Variants in TRAP1 observed in about 807,000 individuals in gnomAD.
The protein encoded by TRAP1 is TNF receptor associated protein 1.
In TRAP1, 102 loss-of-function variants were observed where a neutral mutation model predicts 89.1. That is an observed-to-expected ratio of 1.15 (90% CI 0.98 to 1.35). The LOEUF (loss-of-function observed/expected upper bound fraction) is 1.35. Among genes scored for constraint, TRAP1 ranks in the 40% most tolerant of loss-of-function variants. The pLI is 0.00. For missense variants in TRAP1, 1,256 were observed against 945.3 expected (o/e 1.33, Z -4.31); for synonymous variants, 508 against 388.0 (o/e 1.31, Z -3.64).
intron 1 of TRAP1, chr16:3,710,490 G>C (rs1020228351): frequency 1.3e-5 from 2 of 152,108 alleles, no homozygotes; most frequent in African/African-American, 4.8e-5. Context: ...ATTAACACCC[G>C]TAATAATGAC....
At chr16:3,687,013 A>G (rs1338185554) in intron 3 of TRAP1, 1 of 151,640 alleles carries the variant, frequency 6.6e-6, no homozygotes, top group Non-Finnish European at 1.5e-5. Flanking sequence ...TTCTTTCCCA[A>G]CTCCTGCACA....
Position 3,658,818 on chromosome 16 carries a change from C to A in TRAP1, c.1988G>T (p.Gly663Val). The A allele has an allele frequency of 6.2e-7, 1 of 1,613,894 alleles. No individual in the cohort carries two copies. The highest frequency in any genetic ancestry group is 8.5e-7 in the Non-Finnish European group (1 of 1,179,972). Residue 663 changes from glycine (G) to valine (V), a missense_variant, in exon 17 of 18, where the codon GGC becomes GTC. Coordinates refer to ENST00000246957, the MANE Select transcript of TRAP1 (RefSeq NM_016292.3). Reference protein sequence around the residue: ...KLNQLRASEPGLAQLLVDQIY... With the variant: ...KLNQLRASEPVLAQLLVDQIY... ...CTGATCCACCAGCAGCTGAGCCAGG[C>A]CAGGCTCGCTTGCGCGCAGCTGATT...
At chr16:3,677,744 T>G in intron 5 of TRAP1, 86 bp from the exon 6 acceptor site, 13 of 1,462,870 alleles carry the variant, frequency 8.9e-6, no homozygotes, top group Non-Finnish European at 1.2e-5. Context: ...CGAGCACCGC[T>G]AAGACCCCTT....
Position 3,664,147 on chromosome 16 carries a change from G to A in TRAP1, c.1569+127C>T, listed in dbSNP as rs1019730454. ...CACAGTCGGTCCGGCCTCTGTGCCC[G>A]TGACCCTGACCCACTGTGCAGCCCT... On this transcript the variant is annotated intron_variant, in intron 13 of 17. Coordinates refer to ENST00000246957, the MANE Select transcript of TRAP1 (RefSeq NM_016292.3). The A allele has an allele frequency of 1.2e-4, 120 of 1,019,752 alleles. 2 individuals carry two copies. The highest frequency in any genetic ancestry group is 5.0e-4 in the African/African-American group (30 of 60,402). 63.2% of individuals were successfully genotyped at this position (1,019,752 alleles called of 1,614,324 possible).
At chr16:3,662,688 C>T (rs2043154628) in intron 15 of TRAP1, 194 bp downstream of exon 15, 2 of 697,644 alleles carry the variant, frequency 2.9e-6, no homozygotes, top group Non-Finnish European at 5.2e-6. Context: ...GGGAGAAAGA[C>T]ACGGCCTTCC....
At position 3,717,427 on chromosome 16, in the gene TRAP1, G is replaced by A; in HGVS notation, c.82C>T (p.Pro28Ser). Residue 28 changes from proline to serine, a missense_variant, in exon 1 of 18, where the codon CCG becomes TCG. Coordinates refer to ENST00000246957, the MANE Select transcript of TRAP1 (RefSeq NM_016292.3). ...CCAGCCAGGACGCCCTCACCTCCCG[G>A]CACGGCCGCCAGCGCCGGCGCCCGC... is the stretch of plus-strand genomic sequence containing the variant. ...LLRAPALAAVPGGKPILCPRR... is the reference protein window; with the variant it reads ...LLRAPALAAVSGGKPILCPRR... 1 of 1,235,424 alleles carries A rather than the reference G, an allele frequency of 8.1e-7. No homozygotes were observed. Among genetic ancestry groups the A allele is most frequent in the Non-Finnish European group, 1.0e-6 (1 of 984,672 alleles). 76.5% of individuals were successfully genotyped at this position (1,235,424 alleles called of 1,614,324 possible). A position where few individuals can be genotyped will look rare whatever the true frequency, so the allele number is the denominator to read the frequency against.
intron 9 of TRAP1, 63 bp from the exon 10 acceptor site, chr16:3,672,883 G>A (rs1308331864): frequency 2.6e-6 from 4 of 1,557,194 alleles, no homozygotes; most frequent in Non-Finnish European, 3.5e-6. Context: ...CCCTGGCTGG[G>A]AGGTGGGGGC....
intron 3 of TRAP1, 132 bp from the exon 4 acceptor site, chr16:3,686,268 C>A: frequency 6.3e-6 from 7 of 1,104,038 alleles, no homozygotes; most frequent in Non-Finnish European, 9.0e-6. Flanking sequence ...TAAAGAGTTT[C>A]TGCTTTAGTC....
At chr16:3,681,700 T>TTA (rs1204181111) in intron 4 of TRAP1, among the ~76,000 whole-genome samples, 1 of 152,162 alleles carries the variant, frequency 6.6e-6, no homozygotes, top group African/African-American at 2.4e-5. Flanking sequence ...ATCAGAAACT[T>TTA]AAATAGAGTC....
In TRAP1 at chr16:3,675,365, A is replaced by G. The variant is rs142276610; in HGVS notation, c.847T>C (p.Phe283Leu). ...VVTKYSNFVS[F>L]PLYLNGRRMN... is the part of the protein sequence containing the mutation. ...CGCCTTCCATTCAAGTACAAGGGGA[A>G]GCTGACGAAGTTGCTGTACTTCGTT... is the stretch of plus-strand genomic sequence containing the variant. Residue 283 changes from phenylalanine to leucine, a missense_variant, in exon 8 of 18, where the codon TTC becomes CTC. Coordinates refer to ENST00000246957, the MANE Select transcript of TRAP1 (RefSeq NM_016292.3). The G allele has an allele frequency of 2.9e-4, 464 of 1,614,000 alleles. No individual in the cohort carries two copies. Among genetic ancestry groups the G allele is most frequent in the Non-Finnish European group, 3.3e-4 (393 of 1,179,974 alleles).
chr16:3,665,876 C>A, intron 12 of TRAP1, 95 bp downstream of exon 12: 1 of 1,469,274 alleles, frequency 6.8e-7, no homozygotes. Context: ...TACCCAGCTG[C>A]ACCGTCGCCA....
chr16:3,681,894 G>A (rs956490864), intron 4 of TRAP1, among the ~76,000 whole-genome samples: 2 of 152,080 alleles, frequency 1.3e-5, no homozygotes, highest in African/African-American at 2.4e-5. Flanking sequence ...AAAGAACTTA[G>A]AAAATTTTCA....
chr16:3,708,634 C>G (rs1243017385), intron 1 of TRAP1, among the ~76,000 whole-genome samples: 2 of 151,348 alleles, frequency 1.3e-5, no homozygotes, highest in African/African-American at 2.4e-5. Context: ...GAGACTCCAT[C>G]TCAAAATAAA....
chr16:3,682,797 C>T (rs752177076), intron 4 of TRAP1, among the ~76,000 whole-genome samples: 10 of 151,628 alleles, frequency 6.6e-5, no homozygotes, highest in Non-Finnish European at 1.3e-4. Flanking sequence ...GAGGTCAAGG[C>T]TGCAGCGAAC....
chr16:3,704,370 AAC>A (rs1370517625), intron 1 of TRAP1: 1 of 152,240 alleles, frequency 6.6e-6, no homozygotes, highest in African/African-American at 2.4e-5. Flanking sequence ...CATTATAAAA[AAC>A]ACTTAAAAAC....
At chr16:3,677,880 C>T (rs1023802633) in intron 5 of TRAP1, 1 of 539,838 alleles carries the variant, frequency 1.9e-6, no homozygotes, top group Non-Finnish European at 3.3e-6. Context: ...GTGTGTTTTC[C>T]ATTTGATTCC....
intron 4 of TRAP1, among the ~76,000 whole-genome samples, chr16:3,685,735 T>A (rs543858956): frequency 5.9e-5 from 9 of 152,288 alleles, no homozygotes; most frequent in South Asian, 2.1e-4. Context: ...ACCAAAACCC[T>A]GTGTGGCCAT....
chr16:3,714,791 A>G (rs1359030236), intron 1 of TRAP1, among the ~76,000 whole-genome samples: 3 of 152,208 alleles, frequency 2.0e-5, no homozygotes, highest in African/African-American at 7.2e-5. Flanking sequence ...AGAGGATTCC[A>G]CAGACATAAG....
intron 4 of TRAP1, among the ~76,000 whole-genome samples, chr16:3,684,131 A>G (rs1248257996): frequency 1.3e-5 from 2 of 152,190 alleles, no homozygotes; most frequent in African/African-American, 4.8e-5. Context: ...AGATCATACC[A>G]CTGCACTCCA....
Sources: allele counts gnomAD v4.1 joint callset (sites outside exome capture counted in the v4.1 genomes callset), GRCh38; gene constraint gnomAD v4.1.1; transcripts MANE v1.5; gene names NCBI Gene and HGNC (gene_info 2026-07-23, HGNC 2026-07-21).